The following SNCB variants were observed in gnomAD, a reference collection of about 807,000 sequenced individuals.
SNCB encodes beta-synuclein.
In SNCB, 8 loss-of-function variants were observed where a neutral mutation model predicts 20.0. The ratio of observed to expected loss-of-function variants is 0.40; its 90% CI spans 0.24 to 0.72. The LOEUF is 0.72. SNCB is among the 30% of genes least tolerant of loss of function. The pLI, the probability that SNCB is intolerant of heterozygous loss-of-function variation, is 0.37. For missense variants in SNCB, 125 were observed against 168.0 expected, an observed-to-expected ratio of 0.74 and a Z score of 1.41; for synonymous variants, 56 against 65.4, an observed-to-expected ratio of 0.86 and a Z score of 0.69.
At position 176,623,629 on chromosome 5, in the gene SNCB, C is replaced by T. The variant is rs781362486; in HGVS notation, c.283-2326G>A. On this transcript the variant is annotated intron_variant, in intron 4 of 5. Coordinates refer to ENST00000393693, the MANE Select transcript of SNCB (RefSeq NM_003085.5). ...GGTCCTGGGGGGTAGTGTTCTGTCT[C>T]GAGCTGGCTACTGGTTACAAGGGGA... Among the ~76,000 whole-genome samples, 3 of 152,132 alleles carry T rather than the reference C, an allele frequency of 2.0e-5. 1 individual carries two copies. The highest frequency in any genetic ancestry group is 4.1e-4 in the South Asian group (2 of 4,828).
At chr5:176,625,359 G>A (rs1000911301) in intron 4 of SNCB, among the ~76,000 whole-genome samples, 1 of 152,194 alleles carries the variant, frequency 6.6e-6, no homozygotes. Context: ...AAATTCTAAC[G>A]ATGGGGCCAA....
chr5:176,623,822 T>G (rs1759762481), intron 4 of SNCB, among the ~76,000 whole-genome samples: 1 of 152,042 alleles, frequency 6.6e-6, no homozygotes, highest in African/African-American at 2.4e-5. Context: ...CTGGGCAACA[T>G]AGCAGGACCC....
Position 176,620,217 on chromosome 5 carries a change from G to T in SNCB, c.*594C>A. The T allele has an allele frequency of 6.8e-6, 1 of 147,614 alleles. No homozygotes were observed. The highest frequency in any genetic ancestry group is 1.5e-5 in the Non-Finnish European group (1 of 68,354). The allele number at this position is 147,614 out of a possible 1,614,324, so 9.1% of individuals were successfully genotyped here. ...GCCGGTGCGGCTCTGGCTACAGACAGATTAGCTTTATTCATGGACTCTCGG... is the reference window on the plus strand; with the variant it reads ...GCCGGTGCGGCTCTGGCTACAGACATATTAGCTTTATTCATGGACTCTCGG... On this transcript the variant is annotated 3_prime_UTR_variant, in exon 6 of 6. Coordinates refer to ENST00000393693, the MANE Select transcript of SNCB (RefSeq NM_003085.5). The surrounding 1 kb of genome is among the most constrained non-coding windows in gnomAD (Gnocchi z 4.5).
At position 176,621,649 on chromosome 5, in the gene SNCB, G is replaced by C. The variant is rs765582499; in HGVS notation, c.283-346C>G. 2.5e-4 allele frequency among the ~76,000 whole-genome samples: 38 copies of C among 152,204 alleles called. No homozygotes were observed. Among genetic ancestry groups the C allele is most frequent in the Non-Finnish European group, 5.9e-5 (4 of 68,028 alleles). On this transcript the variant is annotated intron_variant, in intron 4 of 5. Transcript: ENST00000393693. The surrounding 1 kb of genome is among the most constrained non-coding windows in gnomAD (Gnocchi z 4.1). ...CTCTGTGCTGGGCATCGGGACCCCAGAGATAACCCTCAGGCTCCCCTGGGC... is the reference window on the plus strand; with the variant it reads ...CTCTGTGCTGGGCATCGGGACCCCACAGATAACCCTCAGGCTCCCCTGGGC...
chr5:176,624,953 C>T (rs569221617), intron 4 of SNCB, among the ~76,000 whole-genome samples: 189 of 152,274 alleles, frequency 1.2e-3, no homozygotes, highest in Non-Finnish European at 2.1e-3. Flanking sequence ...TGGAGGGCAG[C>T]GTGGGGTCTC....
chr5:176,624,411 T>C (rs570573650), intron 4 of SNCB, among the ~76,000 whole-genome samples: 1 of 152,356 alleles, frequency 6.6e-6, no homozygotes, highest in African/African-American at 2.4e-5. Context: ...GAAGAGTCAA[T>C]GAGTTAGTTC....
intron 2 of SNCB, among the ~76,000 whole-genome samples, chr5:176,627,428 A>C (rs1252506744): frequency 6.6e-6 from 1 of 152,220 alleles, no homozygotes. Flanking sequence ...GTGGGTCTAA[A>C]GGTGATGTGC....
chr5:176,626,428 C>T lies in SNCB; in HGVS notation c.252G>A (p.Val84=). Residue 84 remains valine, a synonymous_variant, in exon 4 of 6, where the codon GTG becomes GTA. Coordinates refer to ENST00000393693, the MANE Select transcript of SNCB (RefSeq NM_003085.5). This position sits in a 1 kb window ranked among gnomAD's most constrained non-coding sequence, Gnocchi z 4.2. ...AGNIAAATGL[V]KREEFPTDLK... ...GATCAGTAGGGAATTCCTCCCTCTT[C>T]ACCAGTCCTGTGGCTGCTGCGATGT... 1.2e-6 allele frequency: 2 copies of T among 1,613,726 alleles called. No homozygotes were observed. The highest frequency in any genetic ancestry group is 1.1e-5 in the South Asian group (1 of 91,060).
rs777730633 is a variant in SNCB at position 176,629,617 on chromosome 5, T to G, written c.38A>C (p.Glu13Ala). The part of the protein sequence containing the change: ...VFMKGLSMAK[E>A]GVVAAAEKTK... ...TTTCTCCGCGGCTGCCACAACGCCC[T>G]CCTTGGCCATGGACAGGCCCTTCAT... The change falls in exon 2 of 6, where the codon GAG (glutamate) becomes GCG (alanine). Residue 13 changes from glutamate (E) to alanine (A), a missense_variant. By Grantham distance (107) the Glu-to-Ala change is moderately radical. Transcript: ENST00000393693. The surrounding 1 kb of genome is among the most constrained non-coding windows in gnomAD (Gnocchi z 4.1). 2 of 1,613,574 alleles carry G rather than the reference T, an allele frequency of 1.2e-6. No homozygotes were observed. Among genetic ancestry groups the G allele is most frequent in the Admixed American group, 3.3e-5 (2 of 59,986 alleles).
rs749151294 is a variant in SNCB at position 176,629,401 on chromosome 5, C to G, written c.121+133G>C. 10 of 965,162 alleles carry G rather than the reference C, an allele frequency of 1.0e-5. No homozygotes were observed. Among genetic ancestry groups the G allele is most frequent in the Non-Finnish European group, 1.4e-5 (9 of 635,382 alleles). The allele number at this position is 965,162 out of a possible 1,614,324, so 59.8% of individuals were successfully genotyped here. ...ATGGGCTGGCTATGTCCCCTATGAC[C>G]CCTGCTGACCTCGCCCCATCTGCTG... On this transcript the variant is annotated intron_variant, in intron 2 of 5. Coordinates refer to ENST00000393693, the MANE Select transcript of SNCB (RefSeq NM_003085.5). This position sits in a 1 kb window ranked among gnomAD's most constrained non-coding sequence, Gnocchi z 4.1.
In SNCB at chr5:176,626,452, G is replaced by A. The variant is rs1378203389; in HGVS notation, c.228C>T (p.Asn76=). Residue 76 remains asparagine (N), a synonymous_variant, in exon 4 of 6, where the codon AAC becomes AAT. Coordinates refer to ENST00000393693, the MANE Select transcript of SNCB (RefSeq NM_003085.5). This position sits in a 1 kb window ranked among gnomAD's most constrained non-coding sequence, Gnocchi z 4.2. The part of the protein sequence containing the change: ...LGGAVFSGAG[N]IAAATGLVKR... ...TCACCAGTCCTGTGGCTGCTGCGAT[G>A]TTCCCTGCCCCAGAGAACACAGCTC... The A allele has an allele frequency of 1.2e-6, 2 of 1,614,080 alleles. No homozygotes were observed. The highest frequency in any genetic ancestry group is 1.7e-5 in the Admixed American group (1 of 60,022).
Position 176,620,437 on chromosome 5 carries a change from T to A in SNCB, c.*374A>T. 1 of 288,144 alleles carries A rather than the reference T, an allele frequency of 3.5e-6. No individual in the cohort carries two copies. Among genetic ancestry groups the A allele is most frequent in the Non-Finnish European group, 6.5e-6 (1 of 153,564 alleles). The allele number at this position is 288,144 out of a possible 1,614,324, so 17.8% of individuals were successfully genotyped here. ...CGAGGTTAATGGGAGTCGGGCGGGG[T>A]GCTCTGGGGCTGCCCGGGGGCCGCT... On this transcript the variant is annotated 3_prime_UTR_variant, in exon 6 of 6. Transcript: ENST00000393693. This position sits in a 1 kb window ranked among gnomAD's most constrained non-coding sequence, Gnocchi z 4.5.
rs1759568983 is a variant in SNCB at position 176,621,168 on chromosome 5, T to C, written c.372+46A>G. 6.8e-7 allele frequency: 1 copy of C among 1,462,340 alleles called. No individual in the cohort carries two copies. The highest frequency in any genetic ancestry group is 1.4e-5 in the African/African-American group (1 of 72,200). The allele number at this position is 1,462,340 out of a possible 1,614,324, so 90.6% of individuals were successfully genotyped here. A position where few individuals can be genotyped will look rare whatever the true frequency, so the allele number is the denominator to read the frequency against. On this transcript the variant is annotated intron_variant, in intron 5 of 5. Transcript: ENST00000393693. This position sits in a 1 kb window ranked among gnomAD's most constrained non-coding sequence, Gnocchi z 4.1. ...CCACCCCAGCTAGGGACGGCAGCAA[T>C]CATCCTGGATTCCCAAAGTCCCGCC...
rs761052738 is a variant in SNCB at position 176,621,313 on chromosome 5, G to C, written c.283-10C>G. On this transcript the variant is annotated splice_polypyrimidine_tract_variant and intron_variant, in intron 4 of 5. Coordinates refer to ENST00000393693, the MANE Select transcript of SNCB (RefSeq NM_003085.5). This position sits in a 1 kb window ranked among gnomAD's most constrained non-coding sequence, Gnocchi z 4.1. Reference sequence around the variant, plus strand: ...GGGCCACTTCCTCTGGCTGTGGGCAGAAAAGGTCAGGACTCGTGAGGACAG... The same window carrying C: ...GGGCCACTTCCTCTGGCTGTGGGCACAAAAGGTCAGGACTCGTGAGGACAG... 1 of 1,610,074 alleles carries C rather than the reference G, an allele frequency of 6.2e-7. No individual in the cohort carries two copies. The highest frequency in any genetic ancestry group is 1.1e-5 in the South Asian group (1 of 90,142).
intron 4 of SNCB, among the ~76,000 whole-genome samples, chr5:176,623,815 G>A (rs1377765496): frequency 6.6e-6 from 1 of 152,116 alleles, no homozygotes; most frequent in Non-Finnish European, 1.5e-5. Flanking sequence ...GATCAGCCTG[G>A]GCAACATAGC....
Position 176,629,659 on chromosome 5 carries a change from G to T in SNCB, c.-5C>A. The T allele has an allele frequency of 6.2e-7, 1 of 1,613,112 alleles. No homozygotes were observed. The highest frequency in any genetic ancestry group is 8.5e-7 in the Non-Finnish European group (1 of 1,179,532). ...GCCCTTCATGAACACGTCCATCCTG[G>T]CGGCCTGGGGAGGGCGATACACGGG... On this transcript the variant is annotated 5_prime_UTR_variant, in exon 2 of 6. Coordinates refer to ENST00000393693, the MANE Select transcript of SNCB (RefSeq NM_003085.5). The surrounding 1 kb of genome is among the most constrained non-coding windows in gnomAD (Gnocchi z 4.1).
At chr5:176,623,543 C>T (rs1343276299) in intron 4 of SNCB, among the ~76,000 whole-genome samples, 1 of 152,130 alleles carries the variant, frequency 6.6e-6, no homozygotes, top group Non-Finnish European at 1.5e-5. Flanking sequence ...CCCCAGACAC[C>T]TCTTTTGTCT....
In SNCB at chr5:176,620,982, G is replaced by T; in HGVS notation, c.373-139C>A. ...TCCCCTTTTCCTGGGCAGGGGAGGAGCCTGGAAGTTGGGGACAACAGAGAA... is the reference window on the plus strand; with the variant it reads ...TCCCCTTTTCCTGGGCAGGGGAGGATCCTGGAAGTTGGGGACAACAGAGAA... On this transcript the variant is annotated intron_variant, in intron 5 of 5. Transcript: ENST00000393693. The surrounding 1 kb of genome is among the most constrained non-coding windows in gnomAD (Gnocchi z 4.5). 1.2e-6 allele frequency: 1 copy of T among 848,394 alleles called. No individual in the cohort carries two copies. The highest frequency in any genetic ancestry group is 2.0e-6 in the Non-Finnish European group (1 of 505,564). The allele number at this position is 848,394 out of a possible 1,614,324, so 52.6% of individuals were successfully genotyped here. A position where few individuals can be genotyped will look rare whatever the true frequency, so the allele number is the denominator to read the frequency against.
chr5:176,621,385 G>T lies in SNCB; in HGVS notation c.283-82C>A. On this transcript the variant is annotated intron_variant, in intron 4 of 5. Coordinates refer to ENST00000393693, the MANE Select transcript of SNCB (RefSeq NM_003085.5). The surrounding 1 kb of genome is among the most constrained non-coding windows in gnomAD (Gnocchi z 4.1). Reference sequence around the variant, plus strand: ...CACAGTGGTAAGCTTTGGGTGGGTTGGAGTGGGGAAGGCTAGGGTGGGTTG... The same window carrying T: ...CACAGTGGTAAGCTTTGGGTGGGTTTGAGTGGGGAAGGCTAGGGTGGGTTG... 1 of 1,171,732 alleles carries T rather than the reference G, an allele frequency of 8.5e-7. No homozygotes were observed. Among genetic ancestry groups the T allele is most frequent in the Non-Finnish European group, 1.3e-6 (1 of 793,776 alleles). 72.6% of individuals were successfully genotyped at this position (1,171,732 alleles called of 1,614,324 possible).
Sources: gnomAD v4.1 joint callset for allele counts (sites outside exome capture counted in the v4.1 genomes callset) on GRCh38, gnomAD v4.1.1 for gene constraint, Gnocchi (gnomAD v3.1) non-coding constraint, MANE v1.5 for transcripts, NCBI Gene and HGNC (gene_info 2026-07-23, HGNC 2026-07-21) for gene names.